The following ASB5 variants were observed in gnomAD, a reference collection of about 807,000 sequenced individuals.
The protein encoded by ASB5 is ankyrin repeat and SOCS box protein 5.
In ASB5, 45 loss-of-function variants were observed where a neutral mutation model predicts 42.1. The observed-to-expected ratio is 1.07, with a 90% confidence interval of 0.84 to 1.37. ASB5 has a LOEUF of 1.37. ASB5 is among the 40% of genes most tolerant of loss of function. The pLI is 0.00. For missense variants in ASB5, 402 were observed against 399.8 expected, an observed-to-expected ratio of 1.01 and a Z score of -0.05; for synonymous variants, 147 against 150.6, an observed-to-expected ratio of 0.98 and a Z score of 0.18.
chr4:176,235,846 T>G (rs1753671821), intron 1 of ASB5, among the ~76,000 whole-genome samples: 1 of 151,944 alleles, frequency 6.6e-6, no homozygotes, highest in Non-Finnish European at 1.5e-5. Context: ...TATTATATAT[T>G]TTTTCTTCTC....
At chr4:176,216,416 T>C (rs1752971534) in intron 6 of ASB5, among the ~76,000 whole-genome samples, 1 of 152,124 alleles carries the variant, frequency 6.6e-6, no homozygotes, top group Non-Finnish European at 1.5e-5. Flanking sequence ...AGTGGCGTAA[T>C]CCTGGCTCAC....
intron 1 of ASB5, among the ~76,000 whole-genome samples, chr4:176,234,021 A>C (rs1753619206): frequency 6.6e-6 from 1 of 152,152 alleles, no homozygotes; most frequent in Admixed American, 6.6e-5. Context: ...TCTATCATTT[A>C]AATGTATCCA....
chr4:176,273,850 G>A (rs4690680), upstream of ASB5, among the ~76,000 whole-genome samples: 100,857 of 152,088 alleles, frequency 0.66, 33,661 homozygotes, highest in Middle Eastern at 0.73. Context: ...TAAAATTCTT[G>A]CTATATGCCA....
At chr4:176,235,079 T>C (rs576091762) in intron 1 of ASB5, among the ~76,000 whole-genome samples, 4 of 152,300 alleles carry the variant, frequency 2.6e-5, no homozygotes, top group South Asian at 2.1e-4. Flanking sequence ...CTAGAACTCA[T>C]AGGGCACTTG....
chr4:176,239,019 C>T (rs1046779136), intron 1 of ASB5, among the ~76,000 whole-genome samples: 5 of 152,080 alleles, frequency 3.3e-5, no homozygotes, highest in African/African-American at 9.7e-5. Flanking sequence ...TAAGAGAGTG[C>T]GTGAGCTGTA....
intron 5 of ASB5, among the ~76,000 whole-genome samples, 168 bp from the exon 6 acceptor site, chr4:176,217,177 CA>C (rs1752997054): frequency 6.6e-6 from 1 of 152,134 alleles, no homozygotes; most frequent in South Asian, 2.1e-4. Flanking sequence ...TCTACATACA[CA>C]TATATGCCTC....
chr4:176,217,258 ACT>A lies in ASB5; in HGVS notation c.671-251_671-250del, dbSNP rs377267545. On this transcript the variant is annotated intron_variant, in intron 5 of 6. Coordinates refer to ENST00000296525, the MANE Select transcript of ASB5 (RefSeq NM_080874.4). The stretch of plus-strand genomic sequence containing the variant: ...AGAGGGTACATACATTTGTTATGTG[ACT>A]CTCTGATACTTTTCTGTATGCTTGA... Among the ~76,000 whole-genome samples the A allele has an allele frequency of 4.1e-4, 63 of 152,204 alleles. 1 individual carries two copies. The highest frequency in any genetic ancestry group is 1.5e-3 in the African/African-American group (62 of 41,528).
chr4:176,241,592 G>C, intron 1 of ASB5: 1 of 1,450,694 alleles, frequency 6.9e-7, no homozygotes. Flanking sequence ...AGTCATATCT[G>C]AGCCCAGTTC....
At chr4:176,220,383 T>A (rs1226557322) in intron 5 of ASB5, among the ~76,000 whole-genome samples, 3 of 152,134 alleles carry the variant, frequency 2.0e-5, no homozygotes, top group African/African-American at 7.2e-5. Context: ...TTATCAGGGA[T>A]CGAATGATTC....
intron 1 of ASB5, among the ~76,000 whole-genome samples, chr4:176,253,347 C>A (rs192791369): frequency 1.3e-5 from 2 of 152,296 alleles, no homozygotes; most frequent in East Asian, 3.9e-4. Context: ...ACAGTGCACA[C>A]ATTCTGGTAA....
intron 6 of ASB5, among the ~76,000 whole-genome samples, chr4:176,216,566 G>A (rs1752975862): frequency 6.6e-6 from 1 of 152,154 alleles, no homozygotes; most frequent in African/African-American, 2.4e-5. Context: ...GGCCAGGATG[G>A]CCTTGATCTC....
At chr4:176,250,286 A>G in intron 1 of ASB5, among the ~76,000 whole-genome samples, 1 of 152,172 alleles carries the variant, frequency 6.6e-6, no homozygotes, top group Non-Finnish European at 1.5e-5. Context: ...TTGTGCTAAA[A>G]GTTTCTCTGG....
intron 1 of ASB5, among the ~76,000 whole-genome samples, chr4:176,268,041 G>A (rs892068996): frequency 2.0e-5 from 3 of 152,148 alleles, no homozygotes; most frequent in Non-Finnish European, 4.4e-5. Flanking sequence ...TGTTTTGGAG[G>A]TATTTGGGCT....
intron 1 of ASB5, among the ~76,000 whole-genome samples, chr4:176,252,044 T>A (rs1480172692): frequency 2.5e-5 from 3 of 120,512 alleles, no homozygotes; most frequent in African/African-American, 1.0e-4. Context: ...CCAGTCTGGG[T>A]GACAGAGCAA....
chr4:176,235,282 G>T (rs1262973888), intron 1 of ASB5, among the ~76,000 whole-genome samples: 2 of 152,096 alleles, frequency 1.3e-5, no homozygotes, highest in African/African-American at 2.4e-5. Flanking sequence ...GATTATAAAA[G>T]TTGTACATTA....
intron 1 of ASB5, among the ~76,000 whole-genome samples, chr4:176,262,699 T>G (rs550606805): frequency 6.6e-6 from 1 of 152,290 alleles, no homozygotes; most frequent in Non-Finnish European, 1.5e-5. Flanking sequence ...TTAGTTTCTA[T>G]AGTTTATCCT....
upstream of ASB5, among the ~76,000 whole-genome samples, chr4:176,271,544 C>G (rs1754469051): frequency 6.6e-6 from 1 of 152,128 alleles, no homozygotes; most frequent in Admixed American, 6.6e-5. Flanking sequence ...CTCAGTATAT[C>G]TCAACTTTCC....
In ASB5 at chr4:176,214,911, T is replaced by C. The variant is rs942682782; in HGVS notation, c.*689A>G. On this transcript the variant is annotated 3_prime_UTR_variant, in exon 7 of 7. Transcript: ENST00000296525. Reference sequence around the variant, plus strand: ...GCAGTCTTAACATAGCCTTAGAAGGTGTGTAATGTTCTAAATATCTCAGGG... The same window carrying C: ...GCAGTCTTAACATAGCCTTAGAAGGCGTGTAATGTTCTAAATATCTCAGGG... 1 of 151,878 alleles carries C rather than the reference T, an allele frequency of 6.6e-6. No individual in the cohort carries two copies. Among genetic ancestry groups the C allele is most frequent in the African/African-American group, 2.4e-5 (1 of 41,332 alleles). 9.4% of individuals were successfully genotyped at this position (151,878 alleles called of 1,614,324 possible).
intron 2 of ASB5, 93 bp from the exon 3 acceptor site, chr4:176,222,513 C>G (rs6553937): frequency 1 from 1,146,320 of 1,147,584 alleles, 572,537 homozygotes; most frequent in Middle Eastern, 1. Flanking sequence ...ATATTTTAGA[C>G]ATCAAAGAAT....
Sources: gnomAD v4.1 joint callset for allele counts (sites outside exome capture counted in the v4.1 genomes callset) on GRCh38, gnomAD v4.1.1 for gene constraint, MANE v1.5 for transcripts, NCBI Gene and HGNC (gene_info 2026-07-23, HGNC 2026-07-21) for gene names.